Variants in POMGNT1 observed in about 807,000 individuals in gnomAD.
POMGNT1 encodes protein O-linked-mannose beta-1,2-N-acetylglucosaminyltransferase 1.
Under a neutral mutation model 95.6 loss-of-function variants are expected in POMGNT1, and 67 were observed. That is an observed-to-expected ratio of 0.70 (90% CI 0.58 to 0.86). The LOEUF (loss-of-function observed/expected upper bound fraction) is 0.86. Ranked by LOEUF, POMGNT1 falls within the 40% of genes least tolerant of loss-of-function variation. The pLI, the probability that POMGNT1 is intolerant of heterozygous loss-of-function variation, is 0.00. For missense variants in POMGNT1, 719 were observed against 855.2 expected (o/e 0.84, Z 1.99); for synonymous variants, 298 against 317.9 (o/e 0.94, Z 0.66).
intron 1 of POMGNT1, among the ~76,000 whole-genome samples, chr1:46,209,250 C>A (rs1571684984): frequency 6.6e-6 from 1 of 152,112 alleles, no homozygotes; most frequent in African/African-American, 2.4e-5. Flanking sequence ...TCTCGAACTC[C>A]CGAACTCAGG....
rs1314508009 is a variant in POMGNT1, at chr1:46,197,068, A to G, written c.137T>C (p.Phe46Ser). ...ATTGACAATGACAGTCACCAGCAGG[A>G]AAAGCACGGCCCCTGTCTGAGGGGA... ...RRFCQTGAVL[F>S]LLVTVIVNIK... The change falls in exon 3 of 22, where the codon TTC becomes TCC. Residue 46 changes from phenylalanine (F) to serine (S), a missense_variant. Physicochemically the swap from Phe to Ser is radical, Grantham distance 155 (BLOSUM62 -2). Transcript: ENST00000371984. 4 of 1,614,142 alleles carry G rather than the reference A, an allele frequency of 2.5e-6. No homozygotes were observed. In the East Asian group the frequency reaches 6.7e-5, roughly 27 times the overall value.
In POMGNT1 at chr1:46,195,855, G is replaced by A; in HGVS notation, c.490C>T (p.Leu164Phe). The A allele has an allele frequency of 1.2e-6, 2 of 1,612,156 alleles. No individual in the cohort carries two copies. The highest frequency in any genetic ancestry group is 2.2e-5 in the South Asian group (2 of 90,620). ...ACTCGGCCGGGCGCTACCATGTTGA[G>A]GAATAGCACCATGGCCTCATCCTCA... ...PHEDEAMVLF[L>F]NMVAPGRVLI... Residue 164 changes from leucine to phenylalanine, a missense_variant, in exon 6 of 22, where the codon CTC becomes TTC. By Grantham distance (22) the Leu-to-Phe change is conservative (BLOSUM62 0). This residue lies in a region of POMGNT1 where 466 missense variants were observed against 517.4 expected (regional missense o/e 0.90). Coordinates refer to ENST00000371984, the MANE Select transcript of POMGNT1 (RefSeq NM_017739.4).
At chr1:46,204,646 G>C (rs1658657392) in intron 1 of POMGNT1, among the ~76,000 whole-genome samples, 1 of 152,218 alleles carries the variant, frequency 6.6e-6, no homozygotes, top group Non-Finnish European at 1.5e-5. Context: ...GCTGGGAAGA[G>C]AGTCTGGTGG....
At chr1:46,216,815 C>T (rs140808186) in intron 1 of POMGNT1, among the ~76,000 whole-genome samples, 27 of 152,306 alleles carry the variant, frequency 1.8e-4, no homozygotes, top group African/African-American at 6.5e-4. Flanking sequence ...CCAACAGTCC[C>T]CAGTGTCTAT....
intron 1 of POMGNT1, among the ~76,000 whole-genome samples, chr1:46,216,676 C>T (rs1233298907): frequency 1.3e-5 from 2 of 152,028 alleles, no homozygotes; most frequent in Non-Finnish European, 2.9e-5. Context: ...GGGGTACCTG[C>T]GCAGGTTTGT....
At chr1:46,207,749 A>G (rs1178050547) in intron 1 of POMGNT1, among the ~76,000 whole-genome samples, 1 of 151,440 alleles carries the variant, frequency 6.6e-6, no homozygotes, top group Non-Finnish European at 1.5e-5. Flanking sequence ...CATGTTAGCC[A>G]GGATGGTCTC....
intron 13 of POMGNT1, 29 bp from the exon 14 acceptor site, chr1:46,192,987 C>T (rs200875921): frequency 5.4e-5 from 87 of 1,613,814 alleles, no homozygotes; most frequent in Non-Finnish European, 7.3e-5. Flanking sequence ...ATCATGGTCC[C>T]AAAGGGGTCT....
intron 14 of POMGNT1, 63 bp from the exon 15 acceptor site, chr1:46,192,653 G>A: frequency 6.2e-7 from 1 of 1,605,976 alleles, no homozygotes; most frequent in Non-Finnish European, 8.5e-7. Context: ...ACACAGAGAT[G>A]CTAGAATTGC....
rs372379416 is a variant in POMGNT1, at chr1:46,197,854, G to A, written c.-33C>T. Reference sequence around the variant, plus strand: ...TGGCGGGTCACCAATGTCCTGGCCAGCCCATGACTTCAGGAATCTGAAGGG... The same window carrying A: ...TGGCGGGTCACCAATGTCCTGGCCAACCCATGACTTCAGGAATCTGAAGGG... On this transcript the variant is annotated 5_prime_UTR_variant, in exon 2 of 22. Transcript: ENST00000371984. 24 of 1,613,032 alleles carry A rather than the reference G, an allele frequency of 1.5e-5. No individual in the cohort carries two copies. In the African/African-American group the frequency reaches 3.1e-4, roughly 21 times the overall value.
At chr1:46,206,274 G>A (rs138604639) in intron 1 of POMGNT1, among the ~76,000 whole-genome samples, 1 of 150,726 alleles carries the variant, frequency 6.6e-6, no homozygotes, top group Admixed American at 6.6e-5. Flanking sequence ...TTTGGTGGAG[G>A]GGGTAGAGGG....
At chr1:46,189,599 G>C (rs909712897) in intron 20 of POMGNT1, 32 bp from the exon 21 acceptor site, 1 of 1,592,360 alleles carries the variant, frequency 6.3e-7, no homozygotes, top group Admixed American at 1.8e-5. Context: ...CAGAGACATG[G>C]GTCAGAGAGC....
At chr1:46,202,781 G>A (rs913855966), upstream of POMGNT1, among the ~76,000 whole-genome samples, 1 of 137,578 alleles carries the variant, frequency 7.3e-6, no homozygotes, top group East Asian at 2.3e-4. Flanking sequence ...ATTTTAACAA[G>A]ATCCGCAGAT....
chr1:46,197,564 C>A (rs1385353627), intron 2 of POMGNT1, 138 bp downstream of exon 2: 5 of 1,558,530 alleles, frequency 3.2e-6, no homozygotes, highest in Non-Finnish European at 2.6e-6. Flanking sequence ...AGGGACATGA[C>A]ACATAGAGGT....
At position 46,197,735 on chromosome 1, in the gene POMGNT1, C is replaced by T. The variant is rs794727291; in HGVS notation, c.87G>A (p.Leu29=). ...RSWYLTWKYK[L]TNQRALRRFC... is the part of the protein sequence containing the mutation. ...ATCTCCGCAGGGCCCGCTGGTTTGTCAGTTTATACTTCCAGGTAAGGTACC... is the reference window on the plus strand; with the variant it reads ...ATCTCCGCAGGGCCCGCTGGTTTGTTAGTTTATACTTCCAGGTAAGGTACC... Residue 29 remains leucine (L), a synonymous_variant, in exon 2 of 22, where the codon CTG becomes CTA. Coordinates refer to ENST00000371984, the MANE Select transcript of POMGNT1 (RefSeq NM_017739.4). The T allele has an allele frequency of 5.0e-6, 8 of 1,614,010 alleles. No homozygotes were observed. In the Admixed American group the frequency reaches 1.3e-4, roughly 27 times the overall value.
chr1:46,193,523 A>AT, intron 11 of POMGNT1, 41 bp downstream of exon 11: 1 of 1,613,950 alleles, frequency 6.2e-7, no homozygotes, highest in Non-Finnish European at 8.5e-7. Flanking sequence ...CTGCTGCTCC[A>AT]TGTTGTACTC....
At chr1:46,197,999 G>T in intron 1 of POMGNT1, 128 bp from the exon 2 acceptor site, 1 of 904,428 alleles carries the variant, frequency 1.1e-6, no homozygotes, top group Non-Finnish European at 1.6e-6. Context: ...CATGGGGAAA[G>T]TGGCTCAACT....
chr1:46,194,593 T>C lies in POMGNT1; in HGVS notation c.711A>G (p.Pro237=). The change falls in exon 8 of 22, where the codon CCA becomes CCG. Residue 237 remains proline (P), a synonymous_variant. Transcript: ENST00000371984. ...KSPALSSWGD[P]VLLKTDVPLS... ...ATGGCACATCTGTCTTCAGCAGGACTGGGTCCCCCCAGGAAGAGAGGGCAG... is the reference window on the plus strand; with the variant it reads ...ATGGCACATCTGTCTTCAGCAGGACCGGGTCCCCCCAGGAAGAGAGGGCAG... The C allele has an allele frequency of 6.2e-7, 1 of 1,614,176 alleles. No homozygotes were observed. The highest frequency in any genetic ancestry group is 1.1e-5 in the South Asian group (1 of 91,082).
rs1374204811 is a variant in POMGNT1, at chr1:46,192,100, G to A, written c.1537C>T (p.His513Tyr). The A allele has an allele frequency of 6.2e-7, 1 of 1,613,830 alleles. No individual in the cohort carries two copies. Among genetic ancestry groups the A allele is most frequent in the Non-Finnish European group, 8.5e-7 (1 of 1,179,692 alleles). ...IVGLNMNGYF[H>Y]EAYFKKHKFN... ...CCTGCTCCCTGCCTCCCACTCACGT[G>A]AAAGTAGCCATTCATGTTGAGGCCG... is the stretch of plus-strand genomic sequence containing the variant. The change falls in exon 17 of 22, where the codon CAC (histidine) becomes TAC (tyrosine). Residue 513 changes from histidine to tyrosine, a missense_variant and splice_region_variant. Physicochemically the swap from His to Tyr is moderately conservative, Grantham distance 83. This residue lies in a region of POMGNT1 where 118 missense variants were observed against 153.6 expected (regional missense o/e 0.77). Coordinates refer to ENST00000371984, the MANE Select transcript of POMGNT1 (RefSeq NM_017739.4).
At chr1:46,216,147 C>T (rs1055536474) in intron 1 of POMGNT1, among the ~76,000 whole-genome samples, 12 of 143,820 alleles carry the variant, frequency 8.3e-5, no homozygotes, top group African/African-American at 2.8e-4. Context: ...CCCAGGTTCA[C>T]GCCATTCTCC....
Sources: gnomAD v4.1 joint callset for allele counts (sites outside exome capture counted in the v4.1 genomes callset) on GRCh38, gnomAD v4.1.1 for gene constraint, gnomAD v4.1.1 regional missense constraint, MANE v1.5 for transcripts, NCBI Gene and HGNC (gene_info 2026-07-23, HGNC 2026-07-21) for gene names.